Variants in ERAP1 observed in about 807,000 individuals in gnomAD.
The protein encoded by ERAP1 is endoplasmic reticulum aminopeptidase 1, also known as adipocyte-derived leucine aminopeptidase.
Under a neutral mutation model 103.7 loss-of-function variants are expected in ERAP1, and 86 were observed. The observed-to-expected ratio is 0.83, with a 90% CI of 0.70 to 0.99. The LOEUF is 0.99. ERAP1 is among the 50% of genes least tolerant of loss of function. ERAP1 has a pLI of 0.00. For missense variants in ERAP1, 1,009 were observed against 1,128.4 expected, an observed-to-expected ratio of 0.89 and a Z score of 1.52; for synonymous variants, 398 against 402.4, an observed-to-expected ratio of 0.99 and a Z score of 0.13.
the ERAP1 span, among the ~76,000 whole-genome samples, chr5:96,930,224 A>T: frequency 2.6e-5 from 4 of 152,276 alleles, no homozygotes; most frequent in Non-Finnish European, 5.9e-5. Context: ...TTGCCTGATA[A>T]GAGATCACCA....
chr5:96,837,804 G>T, the ERAP1 span, among the ~76,000 whole-genome samples: 2 of 152,184 alleles, frequency 1.3e-5, no homozygotes, highest in Non-Finnish European at 2.9e-5. Flanking sequence ...TGGTAAATGC[G>T]GGGGATTTTA....
chr5:96,822,058 C>G, the ERAP1 span, among the ~76,000 whole-genome samples: 7 of 152,206 alleles, frequency 4.6e-5, no homozygotes, highest in Non-Finnish European at 8.8e-5. Context: ...AGCTAGATGT[C>G]ATTAACACAT....
At chr5:96,857,524 C>T in the ERAP1 span, among the ~76,000 whole-genome samples, 1 of 152,072 alleles carries the variant, frequency 6.6e-6, no homozygotes, top group South Asian at 2.1e-4. Context: ...AAATAAAAAA[C>T]TACAAATGCA....
the ERAP1 span, among the ~76,000 whole-genome samples, chr5:96,926,923 C>T: frequency 5.5e-4 from 84 of 152,220 alleles, no homozygotes; most frequent in South Asian, 0.017. Flanking sequence ...CTCAAGCGAA[C>T]CTCCCGCCTC....
chr5:96,901,533 G>A, the ERAP1 span: 5 of 1,613,982 alleles, frequency 3.1e-6, 1 homozygote, highest in South Asian at 5.5e-5. Context: ...AAATGCAGAG[G>A]TCAAAGAGAT....
At chr5:96,812,114 G>C (rs1779190266), upstream of ERAP1, among the ~76,000 whole-genome samples, 1 of 152,102 alleles carries the variant, frequency 6.6e-6, no homozygotes, top group African/African-American at 2.4e-5. Flanking sequence ...TTTTTGCTTT[G>C]TGTTTTCTCT....
At chr5:96,785,679 CTT>C (rs1775899301) in intron 13 of ERAP1, 107 bp downstream of exon 13, 2 of 1,263,994 alleles carry the variant, frequency 1.6e-6, no homozygotes, top group East Asian at 5.0e-5. Context: ...AGGAAAACAC[CTT>C]TCAACTTCTT....
the ERAP1 span, chr5:96,896,718 G>A: frequency 6.9e-7 from 1 of 1,456,986 alleles, no homozygotes; most frequent in East Asian, 2.5e-5. Context: ...CAACTCTTTT[G>A]TTTTTTTTTA....
At chr5:96,802,678 A>G (rs1471711337) in intron 2 of ERAP1, among the ~76,000 whole-genome samples, 7 of 152,194 alleles carry the variant, frequency 4.6e-5, no homozygotes, top group Non-Finnish European at 1.0e-4. Flanking sequence ...TATTTCCTCT[A>G]ATATGTTGCT....
the ERAP1 span, among the ~76,000 whole-genome samples, chr5:96,869,416 C>T: frequency 1.3e-5 from 2 of 152,098 alleles, no homozygotes; most frequent in African/African-American, 4.8e-5. Context: ...ACTCTATTTA[C>T]TCCTGGATGA....
At chr5:96,787,857 AACAT>A (rs1776266711) in intron 11 of ERAP1, among the ~76,000 whole-genome samples, 1 of 150,338 alleles carries the variant, frequency 6.7e-6, no homozygotes, top group Non-Finnish European at 1.5e-5. Context: ...TATCCACACA[AACAT>A]ATACATATAT....
At chr5:96,904,600 G>A in the ERAP1 span, among the ~76,000 whole-genome samples, 1 of 152,196 alleles carries the variant, frequency 6.6e-6, no homozygotes, top group Non-Finnish European at 1.5e-5. Flanking sequence ...ATGAGTGAAT[G>A]CATGAAAGGT....
chr5:96,898,088 C>T, the ERAP1 span, among the ~76,000 whole-genome samples: 1 of 151,998 alleles, frequency 6.6e-6, no homozygotes, highest in Non-Finnish European at 1.5e-5. Context: ...CCCAGCTATT[C>T]GTGAGGCTAA....
chr5:96,808,404 C>T (rs1453394481), upstream of ERAP1, among the ~76,000 whole-genome samples: 1 of 151,646 alleles, frequency 6.6e-6, no homozygotes, highest in African/African-American at 2.4e-5. Flanking sequence ...TAGACGCGTT[C>T]GACGCCCATT....
At chr5:96,767,791 C>T in intron 19 of ERAP1, 2 of 661,522 alleles carry the variant, frequency 3.0e-6, no homozygotes, top group Non-Finnish European at 2.7e-6. Flanking sequence ...TAAAGAATGT[C>T]AGTCAGTTTT....
chr5:96,880,268 C>A, the ERAP1 span: 3 of 1,598,424 alleles, frequency 1.9e-6, no homozygotes, highest in Non-Finnish European at 2.6e-6. Context: ...AAGGTAAGAA[C>A]TTGCTCAGGT....
At chr5:96,839,828 A>G in the ERAP1 span, among the ~76,000 whole-genome samples, 1 of 152,194 alleles carries the variant, frequency 6.6e-6, no homozygotes. Context: ...AATCCCAAAA[A>G]TACTCAGATC....
rs548704883 is a variant in ERAP1 at position 96,805,038 on chromosome 5, G to T, written c.-17-1095C>A. 2 of 139,884 alleles carry T rather than the reference G, an allele frequency of 1.4e-5. 1 individual carries two copies. Among genetic ancestry groups the T allele is most frequent in the East Asian group, 5.3e-4 (2 of 3,784 alleles). The allele number at this position is 139,884 out of a possible 1,614,324, so 8.7% of individuals were successfully genotyped here. A position where few individuals can be genotyped will look rare whatever the true frequency, so the allele number is the denominator to read the frequency against. The stretch of plus-strand genomic sequence containing the variant: ...AAGTTTTTATTTCTTTTATACAAAC[G>T]CACCTTTCTAATGGGTGTTTGCCAA... On this transcript the variant is annotated intron_variant, in intron 1 of 18. Coordinates refer to ENST00000443439, the MANE Select transcript of ERAP1 (RefSeq NM_001040458.3).
the ERAP1 span, among the ~76,000 whole-genome samples, chr5:96,887,207 T>C: frequency 6.6e-6 from 1 of 151,564 alleles, no homozygotes; most frequent in African/African-American, 2.4e-5. Context: ...AAGTTGAATG[T>C]CATTTAAAAT....
Sources: allele counts gnomAD v4.1 joint callset (sites outside exome capture counted in the v4.1 genomes callset), GRCh38; gene constraint gnomAD v4.1.1; transcripts MANE v1.5; gene names NCBI Gene and HGNC (gene_info 2026-07-23, HGNC 2026-07-21).